CCDC39: variants seen among roughly 807,000 people sequenced by gnomAD.
CCDC39 encodes coiled-coil domain 39 molecular ruler complex subunit, also known as coiled-coil domain-containing protein 39.
In CCDC39, 113 loss-of-function variants were observed where a neutral mutation model predicts 121.0. The observed-to-expected ratio is 0.93, with a 90% confidence interval of 0.80 to 1.09. The LOEUF is 1.09. Ranked by LOEUF, CCDC39 falls within the 50% of genes least tolerant of loss-of-function variation. The pLI is 0.00. For missense variants in CCDC39, 1,063 were observed against 1,074.7 expected (o/e 0.99, Z 0.15); for synonymous variants, 349 against 352.2 (o/e 0.99, Z 0.10).
Position 180,657,698 on chromosome 3 carries a change from T to G in CCDC39, c.738+1754A>C, listed in dbSNP as rs182289982. ...CAACAATGTATAGCCAATCAATAGC[T>G]GATGTTATTTCAATGTAAATTCTTG... On this transcript the variant is annotated intron_variant, in intron 6 of 19. Coordinates refer to ENST00000476379, the MANE Select transcript of CCDC39 (RefSeq NM_181426.2). Among the ~76,000 whole-genome samples the G allele has an allele frequency of 7.9e-5, 12 of 152,318 alleles. No individual in the cohort carries two copies. In the East Asian group the frequency reaches 2.3e-3, roughly 29 times the overall value.
chr3:180,615,717 T>C (rs999032296), intron 19 of CCDC39, among the ~76,000 whole-genome samples: 2 of 152,002 alleles, frequency 1.3e-5, no homozygotes, highest in Non-Finnish European at 2.9e-5. Flanking sequence ...AAAATCAGGA[T>C]CATTATTAAT....
chr3:180,665,322 A>G (rs1030586489), intron 1 of CCDC39, among the ~76,000 whole-genome samples: 6 of 152,186 alleles, frequency 3.9e-5, no homozygotes, highest in Admixed American at 6.5e-5. Context: ...ATTAGAATAT[A>G]CTGTCCCTCA....
At chr3:180,677,191 TATATATATATATATATATATATATAA>T (rs1416850573) in intron 1 of CCDC39, among the ~76,000 whole-genome samples, 5 of 99,932 alleles carry the variant, frequency 5.0e-5, no homozygotes, top group African/African-American at 7.4e-5. Context: ...TATATATATA[TATATATATATATATATATATATATAA>T]AATCACAGTA....
intron 8 of CCDC39, 138 bp downstream of exon 8, chr3:180,652,025 A>C: frequency 1.9e-6 from 1 of 533,222 alleles, no homozygotes; most frequent in Non-Finnish European, 3.3e-6. Context: ...CAACAAAGCA[A>C]GACTCCCTCT....
chr3:180,616,883 A>G lies in CCDC39; in HGVS notation c.2349T>C (p.Phe783=), dbSNP rs747568407. The change falls in exon 17 of 20, where the codon TTT becomes TTC. Residue 783 remains phenylalanine, a synonymous_variant. Transcript: ENST00000476379. ...GCTCCTCCGTTTCTTTACTTAGTTG[A>G]AATGAATAAGCCTGCTTCTCTGATA... The part of the protein sequence containing the change: ...EKLSEKQAYS[F]QLSKETEEQK... The G allele has an allele frequency of 1.8e-5, 28 of 1,594,828 alleles. No homozygotes were observed. In the East Asian group the frequency reaches 6.3e-4, roughly 36 times the overall value.
intron 6 of CCDC39, among the ~76,000 whole-genome samples, chr3:180,658,398 A>G (rs996496396): frequency 6.6e-6 from 1 of 151,838 alleles, no homozygotes; most frequent in African/African-American, 2.4e-5. Context: ...GATCGAGACC[A>G]TCCTGGCTAA....
chr3:180,657,427 C>T (rs1038214916), intron 6 of CCDC39, among the ~76,000 whole-genome samples: 14 of 152,206 alleles, frequency 9.2e-5, no homozygotes, highest in Middle Eastern at 3.4e-3. Flanking sequence ...ATTGTGGATC[C>T]GTAATCTTGG....
intron 14 of CCDC39, 61 bp downstream of exon 14, chr3:180,631,408 T>C: frequency 4.2e-6 from 6 of 1,419,168 alleles, no homozygotes; most frequent in Non-Finnish European, 5.8e-6. Flanking sequence ...CAGAGGATTA[T>C]GATGAATGAG....
intron 1 of CCDC39, among the ~76,000 whole-genome samples, chr3:180,665,323 C>G (rs1711846813): frequency 6.6e-6 from 1 of 152,160 alleles, no homozygotes; most frequent in African/African-American, 2.4e-5. Flanking sequence ...TTAGAATATA[C>G]TGTCCCTCAA....
chr3:180,662,008 C>G lies in CCDC39; in HGVS notation c.211-1G>C. The G allele has an allele frequency of 6.5e-7, 1 of 1,547,550 alleles. No individual in the cohort carries two copies. Among genetic ancestry groups the G allele is most frequent in the Non-Finnish European group, 8.7e-7 (1 of 1,145,752 alleles). On this transcript the variant is annotated splice_acceptor_variant, in intron 2 of 19. Transcript: ENST00000476379. LOFTEE classifies it high-confidence loss of function. ...CACGCTCCCTTGCTTTGCAAAGAGA[C>G]TACAGAATAACACACAAGATAAAAA...
At position 180,642,147 on chromosome 3, in the gene CCDC39, T is replaced by C; in HGVS notation, c.1720A>G (p.Met574Val). Residue 574 changes from methionine (M) to valine (V), a missense_variant, in exon 13 of 20, where the codon ATG (methionine) becomes GTG (valine). Coordinates refer to ENST00000476379, the MANE Select transcript of CCDC39 (RefSeq NM_181426.2). ...ACTTCTTCTGCCTTACTGTGAAGCATTTCTCGAGTACGCTTAACTTCAAGT... is the reference window on the plus strand; with the variant it reads ...ACTTCTTCTGCCTTACTGTGAAGCACTTCTCGAGTACGCTTAACTTCAAGT... ...LKLEVKRTRE[M>V]LHSKAEEVLS... The C allele has an allele frequency of 1.9e-6, 3 of 1,612,352 alleles. No individual in the cohort carries two copies. The highest frequency in any genetic ancestry group is 1.7e-6 in the Non-Finnish European group (2 of 1,178,864).
At chr3:180,633,993 G>A (rs1226800935) in intron 13 of CCDC39, among the ~76,000 whole-genome samples, 1 of 152,126 alleles carries the variant, frequency 6.6e-6, no homozygotes, top group Admixed American at 6.5e-5. Flanking sequence ...TATCCCTGCT[G>A]CCCTTGATTT....
At chr3:180,675,997 T>G (rs1444852504) in intron 1 of CCDC39, among the ~76,000 whole-genome samples, 125 of 152,116 alleles carry the variant, frequency 8.2e-4, no homozygotes, top group African/African-American at 2.9e-3. Context: ...ATTAATTCAA[T>G]ATGGATTAAA....
chr3:180,614,422 T>G lies in CCDC39; in HGVS notation c.*499A>C, dbSNP rs59016311. 6,254 of 152,714 alleles carry G rather than the reference T, an allele frequency of 0.041. 205 individuals carry two copies. Among genetic ancestry groups the G allele is most frequent in the African/African-American group, 0.076 (3,134 of 41,410 alleles). 9.5% of individuals were successfully genotyped at this position (152,714 alleles called of 1,614,324 possible). ...GTTGATGCTATTTTTTGGTTAAAAA[T>G]TATAGCAAAAGAAGAAACTGCCTTT... On this transcript the variant is annotated 3_prime_UTR_variant, in exon 20 of 20. Coordinates refer to ENST00000476379, the MANE Select transcript of CCDC39 (RefSeq NM_181426.2).
At chr3:180,628,600 C>A (rs1413983609) in intron 14 of CCDC39, among the ~76,000 whole-genome samples, 2 of 152,204 alleles carry the variant, frequency 1.3e-5, no homozygotes, top group African/African-American at 4.8e-5. Context: ...CAAGCTTTGT[C>A]TGTAAAGGGC....
At chr3:180,671,774 A>G (rs1458697225) in intron 1 of CCDC39, among the ~76,000 whole-genome samples, 8 of 152,184 alleles carry the variant, frequency 5.3e-5, no homozygotes, top group Non-Finnish European at 1.0e-4. Context: ...CAATTCTATG[A>G]AGGCTGAGAA....
chr3:180,623,199 G>A (rs964080506), intron 14 of CCDC39, among the ~76,000 whole-genome samples: 2 of 150,982 alleles, frequency 1.3e-5, no homozygotes, highest in Non-Finnish European at 3.0e-5. Flanking sequence ...TGTATTATAT[G>A]TTTCCAGAAA....
At chr3:180,628,300 T>C (rs1420211780) in intron 14 of CCDC39, among the ~76,000 whole-genome samples, 1 of 152,154 alleles carries the variant, frequency 6.6e-6, no homozygotes, top group Non-Finnish European at 1.5e-5. Flanking sequence ...AAGCTCCGCC[T>C]CCTGGGTTCA....
chr3:180,662,090 A>G, intron 2 of CCDC39, 83 bp from the exon 3 acceptor site: 13 of 1,335,956 alleles, frequency 9.7e-6, no homozygotes, highest in Non-Finnish European at 1.2e-5. Flanking sequence ...CCATTAGATT[A>G]AAACAAAGTT....
Sources: gnomAD v4.1 joint callset for allele counts (sites outside exome capture counted in the v4.1 genomes callset) on GRCh38, gnomAD v4.1.1 for gene constraint, MANE v1.5 for transcripts, NCBI Gene and HGNC (gene_info 2026-07-23, HGNC 2026-07-21) for gene names.